The following ERBB4 variants were observed in gnomAD, a reference collection of about 807,000 sequenced individuals.
ERBB4 encodes receptor tyrosine-protein kinase erbB-4.
Under a neutral mutation model 158.0 loss-of-function variants are expected in ERBB4, and 42 were observed. That is an observed-to-expected ratio of 0.27 (90% confidence interval 0.21 to 0.34). The LOEUF (loss-of-function observed/expected upper bound fraction) is 0.34. ERBB4 is among the 10% of genes least tolerant of loss of function. The pLI, the probability that ERBB4 is intolerant of heterozygous loss-of-function variation, is 1.00. For missense variants in ERBB4, 1,333 were observed against 1,624.1 expected (o/e 0.82, Z 3.08); for synonymous variants, 583 against 558.7 (o/e 1.04, Z -0.61).
At chr2:212,218,172 A>G (rs2083163768) in intron 1 of ERBB4, among the ~76,000 whole-genome samples, 1 of 151,332 alleles carries the variant, frequency 6.6e-6, no homozygotes. Flanking sequence ...AACCTTTTTT[A>G]TAAGTTGCAC....
chr2:211,628,033 TATA>T (rs1370777943), intron 17 of ERBB4, among the ~76,000 whole-genome samples: 2 of 152,246 alleles, frequency 1.3e-5, no homozygotes, highest in African/African-American at 4.8e-5. Context: ...TCACTGCTGG[TATA>T]ATGAGATCAT....
At chr2:212,136,889 A>G (rs2125595872) in intron 1 of ERBB4, among the ~76,000 whole-genome samples, 1 of 152,282 alleles carries the variant, frequency 6.6e-6, no homozygotes, top group South Asian at 2.1e-4. Context: ...ATCCAAGATC[A>G]CCTTCTAACA....
intron 23 of ERBB4, among the ~76,000 whole-genome samples, chr2:211,423,790 A>AT (rs1167348286): frequency 6.6e-6 from 1 of 151,408 alleles, no homozygotes; most frequent in Non-Finnish European, 1.5e-5. Flanking sequence ...GTAGCCTGAT[A>AT]TTTTCCCATA....
chr2:212,230,200 G>T (rs968923286), intron 1 of ERBB4, among the ~76,000 whole-genome samples: 2 of 152,042 alleles, frequency 1.3e-5, no homozygotes, highest in Non-Finnish European at 2.9e-5. Flanking sequence ...CAGGAGAATT[G>T]CTTGAACCTG....
intron 3 of ERBB4, among the ~76,000 whole-genome samples, chr2:211,875,173 C>T (rs2078466882): frequency 6.6e-6 from 1 of 151,026 alleles, no homozygotes; most frequent in Admixed American, 6.6e-5. Context: ...TTTCAAGCTA[C>T]TGCAAATTCC....
intron 1 of ERBB4, among the ~76,000 whole-genome samples, chr2:212,485,742 T>C (rs74267731): frequency 0.039 from 5,907 of 152,242 alleles, 168 homozygotes; most frequent in South Asian, 0.1. Context: ...GAGCTGTGTA[T>C]GCCGGGAAGT....
chr2:212,132,109 A>G (rs980895543), intron 1 of ERBB4, among the ~76,000 whole-genome samples: 5 of 152,174 alleles, frequency 3.3e-5, no homozygotes, highest in East Asian at 1.9e-4. Context: ...AATTTTACAC[A>G]ATAGTATTTA....
chr2:211,944,208 A>ATATATATATAGTG (rs1559155364), intron 3 of ERBB4, among the ~76,000 whole-genome samples: 1 of 19,466 alleles, frequency 5.1e-5, no homozygotes, highest in Non-Finnish European at 1.1e-4. Context: ...TACTATATAT[A>ATATATATATAGTG]TATATACACA....
chr2:212,318,898 G>T (rs1376680603), intron 1 of ERBB4, among the ~76,000 whole-genome samples: 1 of 151,552 alleles, frequency 6.6e-6, no homozygotes, highest in Admixed American at 6.6e-5. Flanking sequence ...CTGGCCAATG[G>T]CATTTTGCTA....
At chr2:212,198,774 G>C (rs974351015) in intron 1 of ERBB4, among the ~76,000 whole-genome samples, 1 of 140,010 alleles carries the variant, frequency 7.1e-6, no homozygotes, top group Non-Finnish European at 1.5e-5. Flanking sequence ...AGTAGAGATG[G>C]GGTTTCACCA....
intron 2 of ERBB4, among the ~76,000 whole-genome samples, chr2:212,123,304 G>A (rs2079815785): frequency 6.6e-6 from 1 of 152,204 alleles, no homozygotes. Flanking sequence ...CTGGGATACT[G>A]AGGCAGGAGA....
intron 20 of ERBB4, among the ~76,000 whole-genome samples, chr2:211,494,250 G>C (rs1437055146): frequency 6.6e-6 from 1 of 152,078 alleles, no homozygotes; most frequent in Non-Finnish European, 1.5e-5. Context: ...TGATCCGCCT[G>C]CCTCGGCCTC....
At chr2:212,149,672 C>T (rs1246706785) in intron 1 of ERBB4, among the ~76,000 whole-genome samples, 1 of 151,912 alleles carries the variant, frequency 6.6e-6, no homozygotes, top group Non-Finnish European at 1.5e-5. Context: ...TTCCATTAGC[C>T]CTGTTTCTCC....
chr2:211,908,447 G>T (rs1028638024), intron 3 of ERBB4, among the ~76,000 whole-genome samples: 1 of 151,544 alleles, frequency 6.6e-6, no homozygotes, highest in African/African-American at 2.4e-5. Context: ...AGGAATTTTG[G>T]CTCATAAAAC....
intron 2 of ERBB4, among the ~76,000 whole-genome samples, chr2:211,978,060 C>T (rs1210166199): frequency 6.6e-6 from 1 of 150,608 alleles, no homozygotes; most frequent in Non-Finnish European, 1.5e-5. Flanking sequence ...ACCTATTTTA[C>T]TTAATAATTC....
At chr2:211,426,787 T>C (rs1009169454) in intron 22 of ERBB4, among the ~76,000 whole-genome samples, 2 of 151,184 alleles carry the variant, frequency 1.3e-5, no homozygotes, top group African/African-American at 4.8e-5. Flanking sequence ...AAAAAGTATA[T>C]ACATATATAA....
intron 1 of ERBB4, among the ~76,000 whole-genome samples, chr2:212,141,246 G>A (rs1202201216): frequency 6.6e-6 from 1 of 151,914 alleles, no homozygotes; most frequent in East Asian, 1.9e-4. Context: ...GTCCATGACA[G>A]ATGCTATGGG....
At chr2:211,624,832 G>T (rs983970202) in intron 17 of ERBB4, among the ~76,000 whole-genome samples, 49 of 152,074 alleles carry the variant, frequency 3.2e-4, no homozygotes, top group Admixed American at 1.6e-3. Context: ...AAAGCTGCTT[G>T]GGCACAGCAA....
chr2:212,122,077 A>G (rs2079768612), intron 2 of ERBB4, among the ~76,000 whole-genome samples: 1 of 150,794 alleles, frequency 6.6e-6, no homozygotes, highest in South Asian at 2.1e-4. Flanking sequence ...AAACTCATAC[A>G]TACACACACC....
Sources: allele counts gnomAD v4.1 joint callset (sites outside exome capture counted in the v4.1 genomes callset), GRCh38; gene constraint gnomAD v4.1.1; transcripts MANE v1.5; gene names NCBI Gene and HGNC (gene_info 2026-07-23, HGNC 2026-07-21).